The following PIGN variants were observed in gnomAD, a reference collection of about 807,000 sequenced individuals.
PIGN encodes GPI ethanolamine phosphate transferase 1.
Under a neutral mutation model 125.4 loss-of-function variants are expected in PIGN, and 117 were observed. That is an observed-to-expected ratio of 0.93 (90% CI 0.80 to 1.09). The LOEUF (loss-of-function observed/expected upper bound fraction) is 1.09. Among genes scored for constraint, PIGN ranks in the 50% least tolerant of loss-of-function variants. The pLI, the probability that PIGN is intolerant of heterozygous loss-of-function variation, is 0.00. For missense variants in PIGN, 1,075 were observed against 1,094.9 expected (o/e 0.98, Z 0.26); for synonymous variants, 392 against 377.8 (o/e 1.04, Z -0.44).
chr18:62,118,898 G>T (rs1289702910), intron 14 of PIGN, among the ~76,000 whole-genome samples: 1 of 143,376 alleles, frequency 7.0e-6, no homozygotes, highest in South Asian at 2.2e-4. Flanking sequence ...AAAAAAAAAA[G>T]GTAAGTCTGA....
intron 11 of PIGN, 55 bp from the exon 12 acceptor site, chr18:62,140,534 A>C: frequency 1.2e-6 from 1 of 848,326 alleles, no homozygotes; most frequent in Non-Finnish European, 1.9e-6. Flanking sequence ...CAAAGAAATT[A>C]AATAATGTAA....
chr18:62,074,923 G>C, intron 28 of PIGN, 102 bp from the exon 29 acceptor site: 2 of 737,648 alleles, frequency 2.7e-6, no homozygotes, highest in Non-Finnish European at 4.5e-6. Flanking sequence ...AGTATTGTTG[G>C]TATTTTTGCT....
chr18:62,107,159 A>G (rs563376916), intron 17 of PIGN, 74 bp from the exon 18 acceptor site: 1 of 891,468 alleles, frequency 1.1e-6, no homozygotes, highest in East Asian at 2.6e-5. Flanking sequence ...ACTTTGCACA[A>G]AGCTAAAACA....
chr18:62,140,298 A>T, intron 12 of PIGN, 122 bp downstream of exon 12: 1 of 484,566 alleles, frequency 2.1e-6, no homozygotes, highest in Non-Finnish European at 3.7e-6. Context: ...CCTGGGCAAC[A>T]TAGCAAGACC....
intron 4 of PIGN, among the ~76,000 whole-genome samples, chr18:62,160,252 C>T (rs548310636): frequency 1.6e-4 from 24 of 152,280 alleles, no homozygotes; most frequent in African/African-American, 5.5e-4. Flanking sequence ...CATTACAAGG[C>T]CTTTCAGGAG....
At chr18:62,051,571 G>A (rs1336679092) in intron 30 of PIGN, among the ~76,000 whole-genome samples, 17 of 152,006 alleles carry the variant, frequency 1.1e-4, no homozygotes, top group South Asian at 4.2e-4. Flanking sequence ...TTTTTATTGC[G>A]TCTATTTGAT....
intron 28 of PIGN, among the ~76,000 whole-genome samples, chr18:62,081,079 G>A (rs936815998): frequency 1.3e-5 from 2 of 152,040 alleles, no homozygotes; most frequent in Admixed American, 6.6e-5. Flanking sequence ...GGAGTGAGTC[G>A]GAAGAGAAGC....
chr18:62,178,343 C>G (rs1400841635), intron 1 of PIGN, among the ~76,000 whole-genome samples: 3 of 151,788 alleles, frequency 2.0e-5, no homozygotes, highest in Non-Finnish European at 4.4e-5. Context: ...TCACTCTGCC[C>G]CCTTATGCTT....
At chr18:62,072,173 A>C (rs1236771462) in intron 30 of PIGN, 1 of 151,336 alleles carries the variant, frequency 6.6e-6, no homozygotes, top group African/African-American at 2.4e-5. Context: ...AATAGAAAAG[A>C]GCTTAGAGAA....
At chr18:62,138,341 G>T in intron 13 of PIGN, 43 bp from the exon 14 acceptor site, 1 of 1,507,346 alleles carries the variant, frequency 6.6e-7, no homozygotes, top group African/African-American at 1.4e-5. Context: ...GAAAAATAAT[G>T]AATTCCATTT....
chr18:62,095,947 G>T lies in PIGN; in HGVS notation c.2081C>A (p.Ser694Tyr). ...ACTCAGTAGTGGCACAACCAAGGAA[G>T]AGGCTGCAATGAAACAGAACAGGTC... ...NQIISWATLA[S>Y]SLVVPLLSSP... Residue 694 changes from serine to tyrosine, a missense_variant, in exon 23 of 31, where the codon TCT becomes TAT. Physicochemically the swap from Ser to Tyr is moderately radical, Grantham distance 144. Coordinates refer to ENST00000640252, the MANE Select transcript of PIGN (RefSeq NM_176787.5). The T allele has an allele frequency of 6.2e-7, 1 of 1,602,734 alleles. No individual in the cohort carries two copies. Among genetic ancestry groups the T allele is most frequent in the Non-Finnish European group, 8.5e-7 (1 of 1,170,018 alleles).
chr18:62,037,800 T>C (rs1193691970), downstream of PIGN, among the ~76,000 whole-genome samples: 1 of 152,218 alleles, frequency 6.6e-6, no homozygotes, highest in African/African-American at 2.4e-5. Flanking sequence ...GACATCCTTC[T>C]TGACAGCCTG....
intron 30 of PIGN, among the ~76,000 whole-genome samples, chr18:62,050,677 T>C (rs1472091693): frequency 1.3e-5 from 2 of 152,130 alleles, no homozygotes; most frequent in African/African-American, 4.8e-5. Flanking sequence ...CTTTTCCTAA[T>C]TGAATACCCT....
chr18:62,025,851 A>G (rs1349175916), intron 23 of PIGN, among the ~76,000 whole-genome samples: 2 of 152,160 alleles, frequency 1.3e-5, no homozygotes, highest in Admixed American at 1.3e-4. Flanking sequence ...AAAGTTTCAT[A>G]TATGCCTCCT....
downstream of PIGN, among the ~76,000 whole-genome samples, chr18:62,037,115 C>T (rs2030271152): frequency 6.6e-6 from 1 of 152,208 alleles, no homozygotes; most frequent in Non-Finnish European, 1.5e-5. Context: ...TGTAATTCCA[C>T]TCATGTGACC....
intron 1 of PIGN, among the ~76,000 whole-genome samples, chr18:62,179,574 T>A (rs904000343): frequency 1.3e-5 from 2 of 152,032 alleles, no homozygotes; most frequent in African/African-American, 2.4e-5. Flanking sequence ...TGAAACCCCA[T>A]CTCTACAAAA....
Position 62,081,671 on chromosome 18 carries a change from T to C in PIGN, c.2576+1002A>G, listed in dbSNP as rs539927104. Among the ~76,000 whole-genome samples, 11 of 152,270 alleles carry C rather than the reference T, an allele frequency of 7.2e-5. No individual in the cohort carries two copies. In the South Asian group the frequency reaches 2.3e-3, roughly 32 times the overall value. The stretch of plus-strand genomic sequence containing the variant: ...TTATTTAAACCTTAATTAAAATCCC[T>C]TCTAAAAATCTTATCCACCAACAAA... On this transcript the variant is annotated intron_variant, in intron 28 of 30. Coordinates refer to ENST00000640252, the MANE Select transcript of PIGN (RefSeq NM_176787.5).
intron 14 of PIGN, chr18:62,136,820 T>C (rs2035951650): frequency 1.1e-5 from 4 of 367,436 alleles, no homozygotes; most frequent in Admixed American, 9.2e-5. Context: ...AGCCCACATA[T>C]GCAGTCAGTA....
At chr18:62,039,221 TATTTTAC>T (rs1213538755), downstream of PIGN, among the ~76,000 whole-genome samples, 5 of 152,138 alleles carry the variant, frequency 3.3e-5, no homozygotes, top group African/African-American at 1.2e-4. Context: ...ATAATCTTGT[TATTTTAC>T]AATAGTTTTA....
Sources: allele counts gnomAD v4.1 joint callset (sites outside exome capture counted in the v4.1 genomes callset), GRCh38; gene constraint gnomAD v4.1.1; transcripts MANE v1.5; gene names NCBI Gene and HGNC (gene_info 2026-07-23, HGNC 2026-07-21).